DCLK1: variants seen among roughly 807,000 people sequenced by gnomAD.
DCLK1 encodes the protein serine/threonine-protein kinase DCLK1.
A neutral mutation model predicts 86.2 loss-of-function variants in DCLK1; 16 were observed. The ratio of observed to expected loss-of-function variants is 0.19; its 90% CI spans 0.13 to 0.28. The LOEUF (loss-of-function observed/expected upper bound fraction) is 0.28. DCLK1 is among the 10% of genes least tolerant of loss of function. The pLI is 1.00. For synonymous variants in DCLK1, 369 were observed against 370.5 expected, an observed-to-expected ratio of 1.00 and a Z score of 0.05; for missense variants, 590 against 940.2, an observed-to-expected ratio of 0.63 and a Z score of 4.87.
intron 3 of DCLK1, among the ~76,000 whole-genome samples, chr13:35,954,677 C>G (rs770531635): frequency 6.6e-6 from 1 of 151,938 alleles, no homozygotes; most frequent in Non-Finnish European, 1.5e-5. Flanking sequence ...TGGCTAGAAG[C>G]TTCTAATAAA....
At chr13:36,126,742 G>T (rs1444891594) in intron 1 of DCLK1, among the ~76,000 whole-genome samples, 2 of 152,212 alleles carry the variant, frequency 1.3e-5, no homozygotes, top group Non-Finnish European at 2.9e-5. Flanking sequence ...AGTGGAAACA[G>T]CTTATTAATC....
chr13:36,000,705 G>A (rs1250382849), intron 3 of DCLK1, among the ~76,000 whole-genome samples: 1 of 151,996 alleles, frequency 6.6e-6, no homozygotes, highest in Non-Finnish European at 1.5e-5. Flanking sequence ...ATCACAACCT[G>A]TTAACCATAT....
At chr13:35,784,927 C>T (rs151334872) in intron 16 of DCLK1, among the ~76,000 whole-genome samples, 6 of 152,134 alleles carry the variant, frequency 3.9e-5, no homozygotes, top group South Asian at 2.1e-4. Flanking sequence ...CAAACCTGCA[C>T]GGAGCAAGAT....
intron 3 of DCLK1, among the ~76,000 whole-genome samples, chr13:36,033,887 T>G (rs2153153789): frequency 6.6e-6 from 1 of 152,352 alleles, no homozygotes; most frequent in South Asian, 2.1e-4. Flanking sequence ...GTCGCACCAT[T>G]GCGCTCCAGC....
chr13:36,046,938 T>C (rs575138510), intron 3 of DCLK1, among the ~76,000 whole-genome samples: 1 of 152,342 alleles, frequency 6.6e-6, no homozygotes, highest in East Asian at 1.9e-4. Context: ...CACACTTCAC[T>C]CTTTCTAAAT....
chr13:35,982,190 G>GC (rs144012535), intron 3 of DCLK1, among the ~76,000 whole-genome samples: 54,290 of 151,642 alleles, frequency 0.36, 10,942 homozygotes, highest in Non-Finnish European at 0.44. Context: ...TGAGGTCACA[G>GC]CCCCCTGGGA....
intron 4 of DCLK1, among the ~76,000 whole-genome samples, chr13:35,914,216 G>T (rs1875226869): frequency 6.6e-6 from 1 of 151,394 alleles, no homozygotes; most frequent in Non-Finnish European, 1.5e-5. Flanking sequence ...CTACTCGAGA[G>T]GCTGAGGTGG....
At chr13:35,826,053 C>A (rs2087516451) in intron 10 of DCLK1, among the ~76,000 whole-genome samples, 1 of 151,858 alleles carries the variant, frequency 6.6e-6, no homozygotes, top group African/African-American at 2.4e-5. Context: ...ACCTTGTGAT[C>A]TGCTTTCCTC....
chr13:35,848,181 C>A, intron 6 of DCLK1: 1 of 985,188 alleles, frequency 1.0e-6, no homozygotes, highest in Non-Finnish European at 1.2e-6. Context: ...AAGCATTCCC[C>A]GCTCAGTAGA....
chr13:36,053,729 C>G (rs1338134459), intron 3 of DCLK1, among the ~76,000 whole-genome samples: 1 of 151,976 alleles, frequency 6.6e-6, no homozygotes, highest in Non-Finnish European at 1.5e-5. Flanking sequence ...GGGCAGGTTT[C>G]TATTTCAGAT....
intron 4 of DCLK1, among the ~76,000 whole-genome samples, chr13:35,906,230 A>G (rs1453319898): frequency 6.6e-6 from 1 of 152,164 alleles, no homozygotes; most frequent in Admixed American, 6.5e-5. Flanking sequence ...GACTCTCAAG[A>G]ACAGAAAAAA....
At position 36,046,065 on chromosome 13, in the gene DCLK1, G is replaced by T. The variant is rs150402197; in HGVS notation, c.723+65804C>A. Reference sequence around the variant, plus strand: ...ACAATTAAATGATAAGATTCAGGAAGAATATCTAAAAAAAAAACCTAAATG... The same window carrying T: ...ACAATTAAATGATAAGATTCAGGAATAATATCTAAAAAAAAAACCTAAATG... On this transcript the variant is annotated intron_variant, in intron 3 of 16. Transcript: ENST00000360631. Among the ~76,000 whole-genome samples the T allele has an allele frequency of 2.3e-3, 343 of 151,712 alleles. 3 individuals carry two copies. Among genetic ancestry groups the T allele is most frequent in the African/African-American group, 8.0e-3 (333 of 41,404 alleles).
intron 11 of DCLK1, among the ~76,000 whole-genome samples, chr13:35,813,438 G>A (rs2087193789): frequency 6.6e-6 from 1 of 152,054 alleles, no homozygotes; most frequent in African/African-American, 2.4e-5. Context: ...TGTAGGAAAA[G>A]TTTTCTTTTC....
intron 4 of DCLK1, among the ~76,000 whole-genome samples, chr13:35,916,465 T>TC (rs904007781): frequency 2.0e-5 from 3 of 152,006 alleles, no homozygotes; most frequent in African/African-American, 7.3e-5. Flanking sequence ...TTGGTTTCCT[T>TC]CCCCCATGTA....
At chr13:35,988,017 A>G (rs1299581198) in intron 3 of DCLK1, among the ~76,000 whole-genome samples, 2 of 152,152 alleles carry the variant, frequency 1.3e-5, no homozygotes, top group African/African-American at 4.8e-5. Context: ...AGCCCCAGCC[A>G]CCTGGCTAGA....
intron 16 of DCLK1, among the ~76,000 whole-genome samples, chr13:35,782,159 G>A (rs1377491262): frequency 6.6e-6 from 1 of 152,148 alleles, no homozygotes; most frequent in East Asian, 1.9e-4. Context: ...CTGACCTTAT[G>A]CTTCTGCACT....
intron 4 of DCLK1, among the ~76,000 whole-genome samples, chr13:35,929,487 T>C (rs141888268): frequency 6.6e-6 from 1 of 152,324 alleles, no homozygotes; most frequent in East Asian, 1.9e-4. Context: ...GGCTGTCCTT[T>C]AGTGGACAAA....
chr13:35,906,017 C>T (rs764775815), intron 4 of DCLK1, among the ~76,000 whole-genome samples: 3 of 152,040 alleles, frequency 2.0e-5, no homozygotes, highest in South Asian at 2.1e-4. Flanking sequence ...CAAACTGATC[C>T]GAATTTGTGT....
chr13:35,798,937 T>C (rs1171289657), intron 15 of DCLK1, among the ~76,000 whole-genome samples: 1 of 152,196 alleles, frequency 6.6e-6, no homozygotes. Context: ...TTTTTGGATA[T>C]CTGGACTTAG....
Sources: gnomAD v4.1 joint callset for allele counts (sites outside exome capture counted in the v4.1 genomes callset) on GRCh38, gnomAD v4.1.1 for gene constraint, MANE v1.5 for transcripts, NCBI Gene and HGNC (gene_info 2026-07-23, HGNC 2026-07-21) for gene names.